TTC7A: variants seen among roughly 807,000 people sequenced by gnomAD.
The protein encoded by TTC7A is tetratricopeptide repeat domain 7A, also known as tetratricopeptide repeat protein 7A.
Under a neutral mutation model 103.7 loss-of-function variants are expected in TTC7A, and 110 were observed. The observed-to-expected ratio is 1.06, with a 90% CI of 0.91 to 1.24. The LOEUF (loss-of-function observed/expected upper bound fraction) is 1.24, where lower values mean the gene tolerates loss of function less well. Among genes scored for constraint, TTC7A ranks in the 50% most tolerant of loss-of-function variants. TTC7A has a pLI of 0.00. For missense variants in TTC7A, 1,340 were observed against 1,116.3 expected, an observed-to-expected ratio of 1.20 and a Z score of -2.86; for synonymous variants, 521 against 467.9, an observed-to-expected ratio of 1.11 and a Z score of -1.47.
intron 5 of TTC7A, among the ~76,000 whole-genome samples, chr2:46,986,594 G>A (rs546174613): frequency 6.6e-6 from 1 of 152,286 alleles, no homozygotes; most frequent in East Asian, 1.9e-4. Flanking sequence ...TCGCCCCAAG[G>A]GGCCAAGAGT....
At position 47,074,153 on chromosome 2, in the gene TTC7A, G is replaced by A. The variant is rs1463625920; in HGVS notation, c.*230G>A. 5.2e-6 allele frequency: 3 copies of A among 571,436 alleles called. No homozygotes were observed. Among genetic ancestry groups the A allele is most frequent in the Non-Finnish European group, 6.3e-6 (2 of 319,482 alleles). 35.4% of individuals were successfully genotyped at this position (571,436 alleles called of 1,614,324 possible). ...TCTGACTTGAACCCTAAGTGCCTTTGGAGAGTTTTGTGGTGACCAGACTTG... is the reference window on the plus strand; with the variant it reads ...TCTGACTTGAACCCTAAGTGCCTTTAGAGAGTTTTGTGGTGACCAGACTTG... On this transcript the variant is annotated 3_prime_UTR_variant, in exon 20 of 20. Coordinates refer to ENST00000319190, the MANE Select transcript of TTC7A (RefSeq NM_020458.4).
chr2:46,976,139 T>A (rs954360819), intron 4 of TTC7A, among the ~76,000 whole-genome samples: 1 of 152,280 alleles, frequency 6.6e-6, no homozygotes, highest in African/African-American at 2.4e-5. Context: ...CTAGCCCTTC[T>A]TGAGTGCCTG....
At chr2:47,043,711 T>C (rs917284016) in intron 15 of TTC7A, among the ~76,000 whole-genome samples, 3 of 152,090 alleles carry the variant, frequency 2.0e-5, no homozygotes, top group Non-Finnish European at 4.4e-5. Flanking sequence ...GAGTGAAAGA[T>C]CAGACCAGAG....
chr2:46,941,782 C>T lies in TTC7A; in HGVS notation c.184+57C>T, dbSNP rs1670419658. 4 of 1,543,652 alleles carry T rather than the reference C, an allele frequency of 2.6e-6. No homozygotes were observed. The South Asian group carries it at 4.8e-5, about 18-fold the overall frequency. On this transcript the variant is annotated intron_variant, in intron 1 of 19. Coordinates refer to ENST00000319190, the MANE Select transcript of TTC7A (RefSeq NM_020458.4). This position sits in a 1 kb window ranked among gnomAD's most constrained non-coding sequence, Gnocchi z 4.2. ...GCGAGCGCGCGAAACGCACCGCCTCCTCCAGGAAGCGCGCCCAGACAGTCC... is the reference window on the plus strand; with the variant it reads ...GCGAGCGCGCGAAACGCACCGCCTCTTCCAGGAAGCGCGCCCAGACAGTCC...
intron 18 of TTC7A, among the ~76,000 whole-genome samples, chr2:47,058,694 G>T (rs1225506728): frequency 6.6e-6 from 1 of 152,242 alleles, no homozygotes; most frequent in African/African-American, 2.4e-5. Flanking sequence ...GGAGTGGGCA[G>T]CCAAGCCTGG....
intron 3 of TTC7A, among the ~76,000 whole-genome samples, chr2:46,965,951 AT>A (rs1672796354): frequency 6.6e-6 from 1 of 150,508 alleles, no homozygotes. Flanking sequence ...TTCTAAGTGC[AT>A]ACTTTTTTTT....
intron 2 of TTC7A, among the ~76,000 whole-genome samples, chr2:46,950,843 A>G (rs1340361070): frequency 6.6e-6 from 1 of 152,258 alleles, no homozygotes; most frequent in Non-Finnish European, 1.5e-5. Context: ...ATTGGGTTAA[A>G]TAAAACATGT....
At chr2:46,950,340 C>G (rs1488949229) in intron 1 of TTC7A, 23 bp from the exon 2 acceptor site, 1 of 1,613,186 alleles carries the variant, frequency 6.2e-7, no homozygotes, top group Non-Finnish European at 8.5e-7. Flanking sequence ...GTTTGCTGCT[C>G]TGACCCCTAC....
chr2:46,970,152 G>A (rs898311820), intron 3 of TTC7A, among the ~76,000 whole-genome samples: 1 of 152,146 alleles, frequency 6.6e-6, no homozygotes. Flanking sequence ...ACCAAGCCCA[G>A]CTAATTTTTT....
At chr2:46,974,756 A>C (rs1245275017) in intron 3 of TTC7A, 1 of 636,156 alleles carries the variant, frequency 1.6e-6, no homozygotes, top group Non-Finnish European at 2.8e-6. Flanking sequence ...GGGGTGATGC[A>C]CTGTGATTCC....
At chr2:46,963,738 G>C (rs1672590540) in intron 3 of TTC7A, among the ~76,000 whole-genome samples, 1 of 151,980 alleles carries the variant, frequency 6.6e-6, no homozygotes, top group Middle Eastern at 3.4e-3. Flanking sequence ...GAATCCGGGG[G>C]CTCAGCTATT....
intron 3 of TTC7A, among the ~76,000 whole-genome samples, chr2:46,963,055 C>T (rs1672528003): frequency 1.3e-5 from 2 of 152,194 alleles, no homozygotes; most frequent in African/African-American, 4.8e-5. Flanking sequence ...GGCCTCAGGG[C>T]TCTTCTCAGG....
intron 2 of TTC7A, among the ~76,000 whole-genome samples, chr2:46,933,411 T>G (rs1669813281): frequency 6.6e-6 from 1 of 152,250 alleles, no homozygotes; most frequent in African/African-American, 2.4e-5. Context: ...GTCTACTATG[T>G]GCAAGCACAA....
intron 3 of TTC7A, chr2:46,974,531 A>C (rs770020540): frequency 5.1e-6 from 2 of 389,760 alleles, no homozygotes; most frequent in Non-Finnish European, 1.0e-5. Flanking sequence ...CAGCACATGG[A>C]TAAGCTTGCT....
chr2:46,980,638 G>A (rs1323410217), intron 5 of TTC7A, among the ~76,000 whole-genome samples: 8 of 152,124 alleles, frequency 5.3e-5, no homozygotes, highest in Non-Finnish European at 1.0e-4. Flanking sequence ...GATGCTAACC[G>A]TCAGGCTTGA....
chr2:47,073,681 T>G (rs774660043), intron 19 of TTC7A, 21 bp from the exon 20 acceptor site: 7 of 1,610,594 alleles, frequency 4.3e-6, no homozygotes, highest in Admixed American at 1.7e-5. Flanking sequence ...CTACTCACCC[T>G]GCCCTGTGCT....
At chr2:47,071,213 C>T (rs925300765) in intron 19 of TTC7A, 55 of 152,426 alleles carry the variant, frequency 3.6e-4, no homozygotes, top group African/African-American at 1.3e-3. Flanking sequence ...CAAACATGAA[C>T]TCGGCTGGTG....
At chr2:47,060,997 A>G (rs761257975) in intron 19 of TTC7A, 26 bp downstream of exon 19, 3 of 1,561,402 alleles carry the variant, frequency 1.9e-6, no homozygotes, top group African/African-American at 2.7e-5. Context: ...CCGCGCTCCC[A>G]CCACCTCCTC....
rs1670455314 is a variant in TTC7A, at chr2:46,941,985, A to G, written c.184+260A>G. On this transcript the variant is annotated intron_variant, in intron 1 of 19. Transcript: ENST00000319190. The surrounding 1 kb of genome is among the most constrained non-coding windows in gnomAD (Gnocchi z 4.2). ...AATGTGGCTAACTCTGTCTACCGTG[A>G]AATGGTGGTATCTGCATATCATGAG... 3.5e-6 allele frequency: 2 copies of G among 573,846 alleles called. No individual in the cohort carries two copies. The highest frequency in any genetic ancestry group is 5.9e-5 in the East Asian group (2 of 33,856). The allele number at this position is 573,846 out of a possible 1,614,324, so 35.5% of individuals were successfully genotyped here. A position where few individuals can be genotyped will look rare whatever the true frequency, so the allele number is the denominator to read the frequency against.
Sources: allele counts gnomAD v4.1 joint callset (sites outside exome capture counted in the v4.1 genomes callset), GRCh38; gene constraint gnomAD v4.1.1; non-coding constraint Gnocchi (gnomAD v3.1); transcripts MANE v1.5; gene names NCBI Gene and HGNC (gene_info 2026-07-23, HGNC 2026-07-21).